Variants in ACVR1C observed in about 807,000 individuals in gnomAD.
ACVR1C encodes the protein activin receptor type-1C.
Under a neutral mutation model 57.9 loss-of-function variants are expected in ACVR1C, and 23 were observed. The observed-to-expected ratio is 0.40, with a 90% CI of 0.29 to 0.56. ACVR1C has a LOEUF of 0.56. Ranked by LOEUF, ACVR1C falls within the 20% of genes least tolerant of loss-of-function variation. The pLI, the probability that ACVR1C is intolerant of heterozygous loss-of-function variation, is 0.50. For synonymous variants in ACVR1C, 214 were observed against 215.3 expected, an observed-to-expected ratio of 0.99 and a Z score of 0.05; for missense variants, 480 against 607.9, an observed-to-expected ratio of 0.79 and a Z score of 2.21.
At chr2:157,581,864 AT>A (rs1688800026) in intron 2 of ACVR1C, among the ~76,000 whole-genome samples, 1 of 152,222 alleles carries the variant, frequency 6.6e-6, no homozygotes, top group Non-Finnish European at 1.5e-5. Context: ...GTACATTTCT[AT>A]ATTTCCTGTT....
chr2:157,549,424 G>A (rs537528409), intron 4 of ACVR1C, among the ~76,000 whole-genome samples: 9 of 152,194 alleles, frequency 5.9e-5, no homozygotes, highest in African/African-American at 1.7e-4. Flanking sequence ...TGATGCCTCC[G>A]TATCTCTTCA....
chr2:157,628,719 T>C lies in ACVR1C; in HGVS notation c.-75A>G. The stretch of plus-strand genomic sequence containing the variant: ...GCAGCCGGGGCAGCACGGCCCGCTT[T>C]GAAGTTCCCGGGCCGCGGGAGGGGA... On this transcript the variant is annotated 5_prime_UTR_variant, in exon 1 of 9. Transcript: ENST00000243349. 1.5e-6 allele frequency: 2 copies of C among 1,324,154 alleles called. No individual in the cohort carries two copies. The highest frequency in any genetic ancestry group is 2.0e-6 in the Non-Finnish European group (2 of 1,005,186). The allele number at this position is 1,324,154 out of a possible 1,614,324, so 82.0% of individuals were successfully genotyped here.
intron 2 of ACVR1C, among the ~76,000 whole-genome samples, chr2:157,566,590 A>C (rs1265790946): frequency 4.6e-5 from 7 of 152,072 alleles, no homozygotes; most frequent in Non-Finnish European, 1.0e-4. Flanking sequence ...GAGTCAAAGA[A>C]AGGGGTGATG....
At chr2:157,559,544 TG>T (rs1435504635) in intron 2 of ACVR1C, among the ~76,000 whole-genome samples, 2 of 152,226 alleles carry the variant, frequency 1.3e-5, no homozygotes, top group South Asian at 4.1e-4. Flanking sequence ...TTTAAATTCT[TG>T]ATCACAGGAA....
chr2:157,622,064 G>A (rs921980715), intron 1 of ACVR1C, among the ~76,000 whole-genome samples: 2 of 152,100 alleles, frequency 1.3e-5, no homozygotes, highest in Non-Finnish European at 2.9e-5. Flanking sequence ...TAGCAAAAGA[G>A]TCATTTGTGT....
chr2:157,551,999 C>T (rs558860610), intron 3 of ACVR1C, among the ~76,000 whole-genome samples: 3 of 152,254 alleles, frequency 2.0e-5, no homozygotes, highest in South Asian at 2.1e-4. Flanking sequence ...TGAGGCCCCT[C>T]GATAATCAAA....
At position 157,555,977 on chromosome 2, in the gene ACVR1C, A is replaced by C. The variant is rs141778640; in HGVS notation, c.544+116T>G. 8.4e-5 allele frequency: 103 copies of C among 1,229,384 alleles called. No homozygotes were observed. In the East Asian group the frequency reaches 2.4e-3, roughly 29 times the overall value. The allele number at this position is 1,229,384 out of a possible 1,614,324, so 76.2% of individuals were successfully genotyped here. ...AGGAGTTCCTATACCAGAGCTCACCATGTATCCTTTCAAGACGGAATTCAT... is the reference window on the plus strand; with the variant it reads ...AGGAGTTCCTATACCAGAGCTCACCCTGTATCCTTTCAAGACGGAATTCAT... On this transcript the variant is annotated intron_variant, in intron 3 of 8. Transcript: ENST00000243349.
intron 7 of ACVR1C, 139 bp from the exon 8 acceptor site, chr2:157,538,842 C>A: frequency 1.8e-6 from 1 of 570,562 alleles, no homozygotes; most frequent in Non-Finnish European, 2.6e-6. Context: ...AATAATGTGT[C>A]ACTATAAAAT....
At chr2:157,617,293 T>A (rs1327915269) in intron 1 of ACVR1C, among the ~76,000 whole-genome samples, 2 of 151,950 alleles carry the variant, frequency 1.3e-5, no homozygotes, top group Non-Finnish European at 2.9e-5. Context: ...ATATATAAAA[T>A]AGAAACTAAT....
intron 1 of ACVR1C, among the ~76,000 whole-genome samples, chr2:157,616,183 G>A (rs184274098): frequency 3.3e-5 from 5 of 152,096 alleles, no homozygotes; most frequent in African/African-American, 2.4e-5. Flanking sequence ...CATACCTCTT[G>A]GATGCTCTGT....
At chr2:157,588,887 GTGTA>G (rs1688996140) in intron 1 of ACVR1C, among the ~76,000 whole-genome samples, 27 of 105,064 alleles carry the variant, frequency 2.6e-4, no homozygotes, top group African/African-American at 8.7e-4. Flanking sequence ...ATACGTGTGT[GTGTA>G]TATATATATA....
At chr2:157,541,296 T>A (rs1687621328) in intron 6 of ACVR1C, 82 bp from the exon 7 acceptor site, 1 of 1,420,888 alleles carries the variant, frequency 7.0e-7, no homozygotes, top group East Asian at 2.3e-5. Flanking sequence ...TAAGATAGCT[T>A]ATGCCATTTT....
At chr2:157,611,127 G>A (rs561951522) in intron 1 of ACVR1C, among the ~76,000 whole-genome samples, 85 of 152,206 alleles carry the variant, frequency 5.6e-4, no homozygotes, top group African/African-American at 2.0e-3. Flanking sequence ...ATTGATATCT[G>A]CACTTCTGGC....
rs1491198926 is a variant in ACVR1C at position 157,554,237 on chromosome 2, AAG to A, written c.544+1854_544+1855del. Among the ~76,000 whole-genome samples the A allele has an allele frequency of 5.2e-5, 7 of 134,608 alleles. 1 individual carries two copies. Among genetic ancestry groups the A allele is most frequent in the African/African-American group, 1.0e-4 (3 of 28,966 alleles). 88.3% of individuals were successfully genotyped at this position (134,608 alleles called of 152,430 possible). A position where few individuals can be genotyped will look rare whatever the true frequency, so the allele number is the denominator to read the frequency against. ...AAAGAAAGAAAGAAAGAAAGAAAGA[AAG>A]AAAGAAAGAAAGAAAGAAAGAAAGA... is the stretch of plus-strand genomic sequence containing the variant. On this transcript the variant is annotated intron_variant, in intron 3 of 8. Transcript: ENST00000243349.
chr2:157,556,125 A>G lies in ACVR1C; in HGVS notation c.512T>C (p.Ile171Thr). The G allele has an allele frequency of 1.2e-6, 2 of 1,614,170 alleles. No individual in the cohort carries two copies. Among genetic ancestry groups the G allele is most frequent in the Non-Finnish European group, 8.5e-7 (1 of 1,179,980 alleles). Residue 171 changes from isoleucine (I) to threonine (T), a missense_variant, in exon 3 of 9, where the codon ATT (isoleucine) becomes ACT (threonine). Transcript: ENST00000243349. ...VNAGKTLKDL[I>T]YDVTASGSGS... Reference sequence around the variant, plus strand: ...AGATCCAGAGGCGGTCACATCATAAATCAGATCTTTCAGAGTTTTTCCAGC... The same window carrying G: ...AGATCCAGAGGCGGTCACATCATAAGTCAGATCTTTCAGAGTTTTTCCAGC...
intron 1 of ACVR1C, among the ~76,000 whole-genome samples, chr2:157,592,100 G>T (rs940685279): frequency 6.6e-6 from 1 of 152,052 alleles, no homozygotes; most frequent in Non-Finnish European, 1.5e-5. Context: ...AACACAGTTG[G>T]TATTTTTGAA....
Position 157,628,446 on chromosome 2 carries a change from G to C in ACVR1C, c.73+126C>G, listed in dbSNP as rs953048665. On this transcript the variant is annotated intron_variant, in intron 1 of 8. Coordinates refer to ENST00000243349, the MANE Select transcript of ACVR1C (RefSeq NM_145259.3). ...CCCGCGCCCCCTCAATCCGACTGGC[G>C]CTTCCCTGTCCGCCCCGAAGGTCAG... The C allele has an allele frequency of 1.7e-5, 19 of 1,124,454 alleles. No homozygotes were observed. The Admixed American group carries it at 2.1e-4, about 12-fold the overall frequency. 69.7% of individuals were successfully genotyped at this position (1,124,454 alleles called of 1,614,324 possible). A position where few individuals can be genotyped will look rare whatever the true frequency, so the allele number is the denominator to read the frequency against.
chr2:157,537,565 G>A (rs764191182), intron 8 of ACVR1C, among the ~76,000 whole-genome samples: 4 of 151,848 alleles, frequency 2.6e-5, no homozygotes, highest in Non-Finnish European at 5.9e-5. Context: ...AATTAGAAAA[G>A]GGTTGAGAAA....
intron 3 of ACVR1C, among the ~76,000 whole-genome samples, chr2:157,555,101 CTTTTTTTTTTTTTTTTTT>C (rs60269781): frequency 1.2e-5 from 1 of 83,926 alleles, no homozygotes; most frequent in Non-Finnish European, 2.2e-5. Context: ...ACTTTGAACG[CTTTTTTTTTTTTTTTTTT>C]TTTTTTTTTT....
Sources: gnomAD v4.1 joint callset for allele counts (sites outside exome capture counted in the v4.1 genomes callset) on GRCh38, gnomAD v4.1.1 for gene constraint, MANE v1.5 for transcripts, NCBI Gene and HGNC (gene_info 2026-07-23, HGNC 2026-07-21) for gene names.